Variants in ANKS1B observed in about 807,000 individuals in gnomAD.
ANKS1B encodes the protein ankyrin repeat and sterile alpha motif domain containing 1B.
A neutral mutation model predicts 148.3 loss-of-function variants in ANKS1B; 36 were observed. That is an observed-to-expected ratio of 0.24 (90% CI 0.19 to 0.32). ANKS1B has a LOEUF of 0.32. Among genes scored for constraint, ANKS1B ranks in the 10% least tolerant of loss-of-function variants. The pLI, the probability that ANKS1B is intolerant of heterozygous loss-of-function variation, is 1.00. For synonymous variants in ANKS1B, 542 were observed against 560.8 expected, an observed-to-expected ratio of 0.97 and a Z score of 0.47; for missense variants, 1,157 against 1,542.6, an observed-to-expected ratio of 0.75 and a Z score of 4.19.
At chr12:99,805,286 A>AAAAAC (rs2067489354) in intron 4 of ANKS1B, among the ~76,000 whole-genome samples, 2 of 149,214 alleles carry the variant, frequency 1.3e-5, no homozygotes, top group African/African-American at 2.5e-5. Flanking sequence ...AAAAAAAAAA[A>AAAAAC]AAGACTAACC....
At chr12:99,488,215 T>G (rs955185184) in intron 10 of ANKS1B, among the ~76,000 whole-genome samples, 15 of 152,278 alleles carry the variant, frequency 9.9e-5, no homozygotes, top group Non-Finnish European at 1.6e-4. Context: ...TCAAACTTTC[T>G]GTGTCACTTT....
chr12:99,239,034 C>T (rs60386977), intron 14 of ANKS1B, among the ~76,000 whole-genome samples: 12,811 of 152,126 alleles, frequency 0.084, 684 homozygotes, highest in Admixed American at 0.13. Flanking sequence ...CAGCTCCTCG[C>T]CAGCAAGTGA....
chr12:99,054,033 G>A (rs1332547885), intron 16 of ANKS1B, among the ~76,000 whole-genome samples: 1 of 152,206 alleles, frequency 6.6e-6, no homozygotes, highest in East Asian at 1.9e-4. Context: ...AGTAATTTAA[G>A]CAAGAGGAAC....
chr12:99,504,998 C>T (rs2096693929), intron 9 of ANKS1B, among the ~76,000 whole-genome samples: 1 of 152,006 alleles, frequency 6.6e-6, no homozygotes, highest in East Asian at 1.9e-4. Context: ...AACTCGGAGA[C>T]ACCCATATAA....
intron 8 of ANKS1B, among the ~76,000 whole-genome samples, chr12:99,680,000 G>GA (rs1397156635): frequency 6.6e-6 from 1 of 152,152 alleles, no homozygotes; most frequent in Non-Finnish European, 1.5e-5. Context: ...TGAGACAGTT[G>GA]AAAAAATGTC....
At chr12:99,262,596 AT>A (rs1201726082) in intron 12 of ANKS1B, among the ~76,000 whole-genome samples, 1 of 152,042 alleles carries the variant, frequency 6.6e-6, no homozygotes, top group African/African-American at 2.4e-5. Context: ...TACTATTAAC[AT>A]TTTTATATTT....
intron 17 of ANKS1B, among the ~76,000 whole-genome samples, chr12:98,978,401 C>T (rs2153225418): frequency 6.6e-6 from 1 of 152,112 alleles, no homozygotes. Context: ...GATCTTTGCC[C>T]CACAGATTCC....
chr12:99,290,991 G>A (rs1486509316), intron 12 of ANKS1B, among the ~76,000 whole-genome samples: 2 of 152,070 alleles, frequency 1.3e-5, no homozygotes, highest in African/African-American at 4.8e-5. Flanking sequence ...ATTTATCCTT[G>A]TTTACAGATG....
intron 9 of ANKS1B, among the ~76,000 whole-genome samples, chr12:99,562,453 A>T (rs938880568): frequency 3.3e-5 from 5 of 152,212 alleles, no homozygotes; most frequent in Non-Finnish European, 7.3e-5. Context: ...AAGACTGTTT[A>T]ATCTACATTG....
At chr12:99,384,813 A>G (rs2093790922) in intron 12 of ANKS1B, among the ~76,000 whole-genome samples, 1 of 152,208 alleles carries the variant, frequency 6.6e-6, no homozygotes, top group Admixed American at 6.5e-5. Context: ...CTATAATAAC[A>G]TTAGTTTTAA....
intron 9 of ANKS1B, among the ~76,000 whole-genome samples, chr12:99,592,298 C>T (rs551876148): frequency 1.2e-4 from 18 of 151,990 alleles, no homozygotes; most frequent in Admixed American, 3.9e-4. Flanking sequence ...ATTCACAGAA[C>T]GGAAGGACAG....
At chr12:98,749,609 G>C (rs1362028913) in intron 26 of ANKS1B, among the ~76,000 whole-genome samples, 2 of 152,148 alleles carry the variant, frequency 1.3e-5, no homozygotes. Flanking sequence ...GCAGAAACCG[G>C]GGGAGGATAT....
chr12:98,976,386 T>A (rs2099896048), intron 17 of ANKS1B: 1 of 152,234 alleles, frequency 6.6e-6, no homozygotes, highest in Non-Finnish European at 1.5e-5. Flanking sequence ...TTTTTTCCAA[T>A]TTCAGAAGAA....
At chr12:98,861,936 A>T (rs574013256) in intron 17 of ANKS1B, among the ~76,000 whole-genome samples, 1 of 152,218 alleles carries the variant, frequency 6.6e-6, no homozygotes, top group African/African-American at 2.4e-5. Context: ...TTTTGGGGTG[A>T]GTGTTCTCTT....
intron 15 of ANKS1B, among the ~76,000 whole-genome samples, chr12:99,137,482 G>A (rs2068535209): frequency 6.6e-6 from 1 of 152,098 alleles, no homozygotes; most frequent in African/African-American, 2.4e-5. Context: ...GTGTGGAGGG[G>A]AAGGAAAGCA....
rs1491097554 is a variant in ANKS1B at position 99,139,439 on chromosome 12, T to TTTCTTTC, written c.2526+14849_2526+14850insGAAAGAA. ...CTTTCTTTCTTTCTTTCTTTCTTTC[T>TTTCTTTC]TTTTCTTTCTTTCTTTCTTTCAAGA... On this transcript the variant is annotated intron_variant, in intron 15 of 26. Transcript: ENST00000683438. 8.0e-3 allele frequency among the ~76,000 whole-genome samples: 28 copies of TTTCTTTC among 3,520 alleles called. 8 individuals carry two copies. The highest frequency in any genetic ancestry group is 7.7e-3 in the Non-Finnish European group (22 of 2,846). 2.3% of individuals were successfully genotyped at this position (3,520 alleles called of 152,430 possible). A position where few individuals can be genotyped will look rare whatever the true frequency, so the allele number is the denominator to read the frequency against.
intron 14 of ANKS1B, among the ~76,000 whole-genome samples, chr12:99,236,943 C>G (rs182896874): frequency 6.2e-4 from 95 of 152,126 alleles, no homozygotes; most frequent in African/African-American, 2.1e-3. Flanking sequence ...ACGCTGATAT[C>G]TTTTGGAGGA....
At chr12:99,139,978 G>A (rs1310802211) in intron 15 of ANKS1B, among the ~76,000 whole-genome samples, 1 of 152,138 alleles carries the variant, frequency 6.6e-6, no homozygotes, top group Non-Finnish European at 1.5e-5. Context: ...AAATGCTGTG[G>A]CATATTTGTT....
intron 1 of ANKS1B, among the ~76,000 whole-genome samples, chr12:99,940,820 G>A (rs1002051000): frequency 6.6e-6 from 1 of 152,124 alleles, no homozygotes; most frequent in Non-Finnish European, 1.5e-5. Flanking sequence ...AGCTTAGAGG[G>A]TGAAAGACGA....
Sources: allele counts gnomAD v4.1 joint callset (sites outside exome capture counted in the v4.1 genomes callset), GRCh38; gene constraint gnomAD v4.1.1; transcripts MANE v1.5; gene names NCBI Gene and HGNC (gene_info 2026-07-23, HGNC 2026-07-21).